Variants in NDST3 observed in about 807,000 individuals in gnomAD.
NDST3 encodes the protein N-deacetylase and N-sulfotransferase 3.
NDST3 carries 58 observed loss-of-function variants against 96.1 expected under a neutral mutation model. That is an observed-to-expected ratio of 0.60 (90% CI 0.49 to 0.75). The LOEUF (loss-of-function observed/expected upper bound fraction) is 0.75. Ranked by LOEUF, NDST3 falls within the 30% of genes least tolerant of loss-of-function variation. NDST3 has a pLI of 0.00. For missense variants in NDST3, 788 were observed against 1,034.2 expected (o/e 0.76, Z 3.27); for synonymous variants, 333 against 359.7 (o/e 0.93, Z 0.84).
At chr4:118,063,112 C>T (rs1472287256) in intron 2 of NDST3, among the ~76,000 whole-genome samples, 2 of 151,166 alleles carry the variant, frequency 1.3e-5, no homozygotes, top group African/African-American at 4.9e-5. Flanking sequence ...ATAGCTTGAA[C>T]CCGGGAGGTG....
intron 6 of NDST3, among the ~76,000 whole-genome samples, chr4:118,148,765 T>A (rs1734148402): frequency 1.3e-5 from 2 of 152,226 alleles, no homozygotes; most frequent in African/African-American, 4.8e-5. Flanking sequence ...TACATTGACC[T>A]AATGGGAAGT....
chr4:118,056,764 A>T (rs773703969), intron 2 of NDST3, among the ~76,000 whole-genome samples: 1 of 152,006 alleles, frequency 6.6e-6, no homozygotes, highest in Non-Finnish European at 1.5e-5. Flanking sequence ...TCAGTTCTTG[A>T]TATGGCTATA....
At chr4:118,246,211 C>A (rs1333971875) in intron 12 of NDST3, among the ~76,000 whole-genome samples, 1 of 151,996 alleles carries the variant, frequency 6.6e-6, no homozygotes, top group Non-Finnish European at 1.5e-5. Flanking sequence ...CACTACATAC[C>A]CACTAAAATG....
chr4:118,148,802 T>A (rs978251244), intron 6 of NDST3, among the ~76,000 whole-genome samples: 1 of 152,214 alleles, frequency 6.6e-6, no homozygotes, highest in Admixed American at 6.5e-5. Context: ...TGTTCGCTAG[T>A]TCTGGAACAC....
At chr4:118,173,377 G>T (rs1322407400) in intron 6 of NDST3, among the ~76,000 whole-genome samples, 1 of 152,160 alleles carries the variant, frequency 6.6e-6, no homozygotes, top group South Asian at 2.1e-4. Context: ...CATAGCCTTA[G>T]ATAGCCTCAT....
intron 3 of NDST3, among the ~76,000 whole-genome samples, chr4:118,106,658 A>G (rs1316027906): frequency 6.6e-6 from 1 of 151,962 alleles, no homozygotes; most frequent in Non-Finnish European, 1.5e-5. Context: ...AGACATGGTG[A>G]CATGTGCCTG....
chr4:118,164,559 G>A lies in NDST3; in HGVS notation c.1539+20875G>A, dbSNP rs187982936. ...TGAGGGAGTTTATTACCACTATATCGCCTTTACAAGAAATGCTAAAAGGAG... is the reference window on the plus strand; with the variant it reads ...TGAGGGAGTTTATTACCACTATATCACCTTTACAAGAAATGCTAAAAGGAG... On this transcript the variant is annotated intron_variant, in intron 6 of 13. Transcript: ENST00000296499. Among the ~76,000 whole-genome samples, 450 of 152,096 alleles carry A rather than the reference G, an allele frequency of 3.0e-3. 2 individuals carry two copies. Among genetic ancestry groups the A allele is most frequent in the African/African-American group, 0.01 (415 of 41,500 alleles).
intron 4 of NDST3, among the ~76,000 whole-genome samples, chr4:118,135,908 T>C (rs978134265): frequency 3.9e-5 from 6 of 152,178 alleles, no homozygotes; most frequent in African/African-American, 1.4e-4. Flanking sequence ...AAAATTGCAG[T>C]AGTTTTTAGT....
At chr4:118,232,977 T>C (rs1307232131) in intron 8 of NDST3, 35 bp from the exon 9 acceptor site, 2 of 1,590,392 alleles carry the variant, frequency 1.3e-6, no homozygotes, top group Non-Finnish European at 8.6e-7. Flanking sequence ...TGTGTTTTCA[T>C]TTAATTAATT....
At chr4:118,193,897 C>A (rs1737487131) in intron 6 of NDST3, 2 of 994,926 alleles carry the variant, frequency 2.0e-6, no homozygotes, top group Admixed American at 3.6e-5. Context: ...AGGACACAAT[C>A]CTCTTATATT....
intron 6 of NDST3, among the ~76,000 whole-genome samples, chr4:118,221,593 G>T (rs937413928): frequency 6.6e-6 from 1 of 151,952 alleles, no homozygotes; most frequent in Non-Finnish European, 1.5e-5. Context: ...ATGCTAGAAA[G>T]TATAGATAAA....
At chr4:118,190,139 TATA>T (rs1432929286) in intron 6 of NDST3, among the ~76,000 whole-genome samples, 1 of 152,066 alleles carries the variant, frequency 6.6e-6, no homozygotes, top group Non-Finnish European at 1.5e-5. Context: ...GTAGTAGTAA[TATA>T]ATTATATATA....
chr4:118,236,854 A>G (rs908887115), intron 9 of NDST3, among the ~76,000 whole-genome samples, 192 bp from the exon 10 acceptor site: 1 of 152,232 alleles, frequency 6.6e-6, no homozygotes, highest in African/African-American at 2.4e-5. Flanking sequence ...AAATGTACTT[A>G]GAAAAACATC....
chr4:118,037,623 C>T (rs1425483086), intron 1 of NDST3, among the ~76,000 whole-genome samples: 1 of 152,156 alleles, frequency 6.6e-6, no homozygotes, highest in Non-Finnish European at 1.5e-5. Context: ...ACTTCCCTTA[C>T]ATATGAAATA....
intron 6 of NDST3, among the ~76,000 whole-genome samples, chr4:118,147,892 T>C (rs1578726399): frequency 6.6e-6 from 1 of 152,310 alleles, no homozygotes; most frequent in Non-Finnish European, 1.5e-5. Flanking sequence ...ACTCCAGGTA[T>C]TGAGTCATTA....
intron 6 of NDST3, among the ~76,000 whole-genome samples, chr4:118,154,183 A>G (rs1328542725): frequency 2.0e-5 from 3 of 152,186 alleles, no homozygotes; most frequent in Non-Finnish European, 4.4e-5. Context: ...TTGTTGGTAT[A>G]TCAGGAATAG....
intron 1 of NDST3, among the ~76,000 whole-genome samples, chr4:118,039,424 A>G (rs1234221940): frequency 6.6e-6 from 1 of 152,208 alleles, no homozygotes; most frequent in African/African-American, 2.4e-5. Context: ...TCACTCATTC[A>G]ACAAATATTC....
At chr4:118,188,211 C>T (rs1025783716) in intron 6 of NDST3, among the ~76,000 whole-genome samples, 2 of 151,240 alleles carry the variant, frequency 1.3e-5, no homozygotes, top group African/African-American at 4.8e-5. Context: ...ATGGGTTTAA[C>T]AAACCAAACA....
At chr4:118,044,600 C>A (rs1471499522) in intron 1 of NDST3, among the ~76,000 whole-genome samples, 5 of 152,202 alleles carry the variant, frequency 3.3e-5, no homozygotes, top group African/African-American at 1.2e-4. Flanking sequence ...GTTATTAATT[C>A]TTGTCCCAGA....
Sources: allele counts gnomAD v4.1 joint callset (sites outside exome capture counted in the v4.1 genomes callset), GRCh38; gene constraint gnomAD v4.1.1; transcripts MANE v1.5; gene names NCBI Gene and HGNC (gene_info 2026-07-23, HGNC 2026-07-21).